Variants in PLEKHA7 observed in about 807,000 individuals in gnomAD.
PLEKHA7 encodes the protein pleckstrin homology domain containing A7.
In PLEKHA7, 104 loss-of-function variants were observed where a neutral mutation model predicts 170.0. That is an observed-to-expected ratio of 0.61 (90% CI 0.52 to 0.72). PLEKHA7 has a LOEUF of 0.72. Among genes scored for constraint, PLEKHA7 ranks in the 30% least tolerant of loss-of-function variants. The pLI is 0.00. For synonymous variants in PLEKHA7, 648 were observed against 660.8 expected (o/e 0.98, Z 0.30); for missense variants, 1,615 against 1,671.7 (o/e 0.97, Z 0.59).
intron 9 of PLEKHA7, among the ~76,000 whole-genome samples, chr11:16,835,631 T>C (rs1228916601): frequency 6.6e-6 from 1 of 152,168 alleles, no homozygotes; most frequent in Non-Finnish European, 1.5e-5. Flanking sequence ...CTTGATACAT[T>C]TGTTTAATTT....
chr11:16,902,532 A>T (rs1398160777), intron 3 of PLEKHA7, among the ~76,000 whole-genome samples: 2 of 152,148 alleles, frequency 1.3e-5, no homozygotes, highest in African/African-American at 4.8e-5. Context: ...TAATATAAAC[A>T]TCCTAGGGTG....
In PLEKHA7 at chr11:16,782,878, C is replaced by T. The variant is rs889131459; in HGVS notation, c.3669G>A (p.Pro1223=). The stretch of plus-strand genomic sequence containing the variant: ...CACTGTTCTGGTCCTGGCCTGAGGT[C>T]GGCTGTAGGTTGCACATGCTGTAGG... ...LARSSMCNLQ[P]TSGQDQNSVA... is the part of the protein sequence containing the mutation. The change falls in exon 26 of 27, where the codon CCG becomes CCA. Residue 1223 remains proline, a synonymous_variant. Coordinates refer to ENST00000531066, the MANE Select transcript of PLEKHA7 (RefSeq NM_001329630.2). 50 of 1,536,010 alleles carry T rather than the reference C, an allele frequency of 3.3e-5. No individual in the cohort carries two copies. The highest frequency in any genetic ancestry group is 4.1e-5 in the African/African-American group (3 of 73,042).
intron 3 of PLEKHA7, among the ~76,000 whole-genome samples, chr11:17,007,480 G>A (rs1219583791): frequency 6.6e-6 from 1 of 151,340 alleles, no homozygotes; most frequent in Non-Finnish European, 1.5e-5. Context: ...TCGCCACCAT[G>A]CCCATAAATA....
chr11:16,871,074 AAGG>A, intron 4 of PLEKHA7, 22 bp downstream of exon 4: 1 of 1,529,314 alleles, frequency 6.5e-7, no homozygotes, highest in Non-Finnish European at 9.1e-7. Flanking sequence ...CTGCCCAGAT[AAGG>A]AGAATACATA....
chr11:16,949,067 C>G (rs577148874), intron 3 of PLEKHA7, among the ~76,000 whole-genome samples: 28 of 152,324 alleles, frequency 1.8e-4, no homozygotes, highest in African/African-American at 6.7e-4. Flanking sequence ...TTTCTTACCT[C>G]TAAGCCTTGC....
chr11:16,876,946 G>C (rs1345779189), intron 3 of PLEKHA7, among the ~76,000 whole-genome samples: 1 of 152,192 alleles, frequency 6.6e-6, no homozygotes, highest in African/African-American at 2.4e-5. Flanking sequence ...GGAGCACCCT[G>C]ATAAATCTGG....
intron 3 of PLEKHA7, among the ~76,000 whole-genome samples, chr11:16,995,175 AGG>A (rs1249055613): frequency 6.6e-6 from 1 of 152,216 alleles, no homozygotes; most frequent in African/African-American, 2.4e-5. Context: ...CAACCTGCTC[AGG>A]ATCACACCAC....
intron 13 of PLEKHA7, among the ~76,000 whole-genome samples, chr11:16,812,168 A>G (rs1370912459): frequency 6.6e-6 from 1 of 152,256 alleles, no homozygotes; most frequent in Non-Finnish European, 1.5e-5. Context: ...CAAGTGTTCA[A>G]CAGACACAGA....
intron 3 of PLEKHA7, among the ~76,000 whole-genome samples, chr11:17,003,675 T>G (rs2137061748): frequency 6.6e-6 from 1 of 152,338 alleles, no homozygotes; most frequent in South Asian, 2.1e-4. Flanking sequence ...CTAGGTAGTC[T>G]GACTCCAAAG....
intron 3 of PLEKHA7, among the ~76,000 whole-genome samples, chr11:16,908,919 GGGGTTTAC>G (rs1210343987): frequency 6.6e-6 from 1 of 152,194 alleles, no homozygotes; most frequent in Admixed American, 6.5e-5. Context: ...GCAGGCAGGT[GGGGTTTAC>G]GGTAATCACC....
intron 25 of PLEKHA7, among the ~76,000 whole-genome samples, 168 bp downstream of exon 25, chr11:16,783,532 C>T (rs1450410251): frequency 1.3e-5 from 2 of 152,240 alleles, no homozygotes; most frequent in Non-Finnish European, 2.9e-5. Flanking sequence ...GGCTCCCTTG[C>T]TGATCTGCTG....
chr11:17,006,497 G>A (rs1420661407), intron 3 of PLEKHA7, among the ~76,000 whole-genome samples: 11 of 151,128 alleles, frequency 7.3e-5, no homozygotes, highest in African/African-American at 7.3e-5. Context: ...GCATGGTGGC[G>A]CATGCCTGTA....
At chr11:16,801,099 G>T (rs75292351) in intron 16 of PLEKHA7, 24 bp from the exon 17 acceptor site, 2 of 1,599,478 alleles carry the variant, frequency 1.3e-6, no homozygotes, top group East Asian at 4.5e-5. Context: ...CAATGCTTCC[G>T]GTTCTTAGTT....
rs1318084442 is a variant in PLEKHA7, at chr11:16,969,002, C to A, written c.221+44987G>T. ...AAAAAGCAGAATGTGTGATGTCCTT[C>A]CTGGTGACCTTTAATATATCATGAA... On this transcript the variant is annotated intron_variant, in intron 3 of 26. Coordinates refer to ENST00000531066, the MANE Select transcript of PLEKHA7 (RefSeq NM_001329630.2). Among the ~76,000 whole-genome samples, 5 of 152,206 alleles carry A rather than the reference C, an allele frequency of 3.3e-5. No homozygotes were observed. The East Asian group carries it at 9.6e-4, about 29-fold the overall frequency.
intron 13 of PLEKHA7, among the ~76,000 whole-genome samples, chr11:16,811,043 G>A (rs1031226057): frequency 6.6e-6 from 1 of 152,138 alleles, no homozygotes; most frequent in Non-Finnish European, 1.5e-5. Context: ...GCTTCTGTTG[G>A]AGTCGACACT....
intron 6 of PLEKHA7, among the ~76,000 whole-genome samples, chr11:16,852,928 A>G (rs1309977859): frequency 6.6e-6 from 1 of 152,230 alleles, no homozygotes; most frequent in East Asian, 1.9e-4. Context: ...CTCATCTGAA[A>G]TGTAAATGTT....
At chr11:16,786,847 G>A in intron 23 of PLEKHA7, 2 of 985,366 alleles carry the variant, frequency 2.0e-6, no homozygotes, top group Non-Finnish European at 2.4e-6. Context: ...TCTTTCTATT[G>A]GGAATTTTCA....
intron 4 of PLEKHA7, 94 bp downstream of exon 4, chr11:16,871,005 C>A (rs1201166966): frequency 2.1e-6 from 2 of 948,050 alleles, no homozygotes; most frequent in Non-Finnish European, 3.3e-6. Context: ...GCCCCTCTGT[C>A]TCAGAGAAAA....
chr11:16,901,891 T>C (rs980226681), intron 3 of PLEKHA7, among the ~76,000 whole-genome samples: 3 of 152,108 alleles, frequency 2.0e-5, no homozygotes, highest in Non-Finnish European at 2.9e-5. Context: ...AAATAAAGTA[T>C]ACAATGCAAT....
Sources: gnomAD v4.1 joint callset for allele counts (sites outside exome capture counted in the v4.1 genomes callset) on GRCh38, gnomAD v4.1.1 for gene constraint, MANE v1.5 for transcripts, NCBI Gene and HGNC (gene_info 2026-07-23, HGNC 2026-07-21) for gene names.